CHD2: variants seen among roughly 807,000 people sequenced by gnomAD.
CHD2 encodes ATP-dependent chromatin remodeler CHD2.
CHD2 carries 28 observed loss-of-function variants against 243.9 expected under a neutral mutation model. That is an observed-to-expected ratio of 0.11 (90% CI 0.09 to 0.16). The LOEUF (loss-of-function observed/expected upper bound fraction) is 0.16. CHD2 is among the 10% of genes least tolerant of loss of function. The pLI is 1.00. For synonymous variants in CHD2, 775 were observed against 779.0 expected (o/e 0.99, Z 0.09); for missense variants, 1,386 against 2,209.8 (o/e 0.63, Z 7.47).
intron 23 of CHD2, 61 bp from the exon 24 acceptor site, chr15:92,981,304 G>A (rs2053977311): frequency 2.7e-6 from 3 of 1,128,010 alleles, no homozygotes; most frequent in Admixed American, 3.9e-5. Context: ...TAATTTCTGG[G>A]CAACTAGGCA....
rs1276143249 is a variant in CHD2 at position 92,945,957 on chromosome 15, T to C, written c.1199-81T>C. The C allele has an allele frequency of 4.1e-6, 6 of 1,474,854 alleles. No homozygotes were observed. In the South Asian group the frequency reaches 5.0e-5, roughly 12 times the overall value. The allele number at this position is 1,474,854 out of a possible 1,614,324, so 91.4% of individuals were successfully genotyped here. ...TTTTGTTTTGCCACATGATGTTTTA[T>C]TGATTATGCATAAAACAGAATGTCA... On this transcript the variant is annotated intron_variant, in intron 11 of 38. Coordinates refer to ENST00000394196, the MANE Select transcript of CHD2 (RefSeq NM_001271.4).
At chr15:92,945,682 G>T in intron 10 of CHD2, 139 bp from the exon 11 acceptor site, 1 of 500,858 alleles carries the variant, frequency 2.0e-6, no homozygotes. Context: ...ACAGGCGTGA[G>T]CCACTATAAT....
chr15:92,945,696 A>AT (rs113903945), intron 10 of CHD2, 125 bp from the exon 11 acceptor site: 47,467 of 452,406 alleles, frequency 0.1, 9 homozygotes, highest in East Asian at 0.14. Context: ...CTATAATCCC[A>AT]TTTTTTTTTT....
At chr15:92,921,541 A>G (rs961034196) in intron 2 of CHD2, 3 of 152,116 alleles carry the variant, frequency 2.0e-5, no homozygotes, top group Admixed American at 6.5e-5. Context: ...GAAATTCTGG[A>G]GCTGTCTCTG....
Position 92,900,729 on chromosome 15 carries a change from T to C in CHD2, c.-167T>C, listed in dbSNP as rs1432630212. On this transcript the variant is annotated 5_prime_UTR_variant, in exon 1 of 39. Transcript: ENST00000394196. ...GTTATTTTATTTATTTTTCGTTTTT[T>C]AACGGAGGATTTTGCCTTTATTTTT... 5.0e-6 allele frequency: 2 copies of C among 397,458 alleles called. No individual in the cohort carries two copies. Among genetic ancestry groups the C allele is most frequent in the Non-Finnish European group, 8.9e-6 (2 of 225,846 alleles). The allele number at this position is 397,458 out of a possible 1,614,324, so 24.6% of individuals were successfully genotyped here.
At position 92,940,958 on chromosome 15, in the gene CHD2, T is replaced by TATATAA. The variant is rs201999332; in HGVS notation, c.693-840_693-835dup. On this transcript the variant is annotated intron_variant, in intron 7 of 38. Coordinates refer to ENST00000394196, the MANE Select transcript of CHD2 (RefSeq NM_001271.4). ...TATAAAATATATATAAATATAAATA[T>TATATAA]ATATAAATATAAATATAAATATAAA... Among the ~76,000 whole-genome samples, 136 of 128,726 alleles carry TATATAA rather than the reference T, an allele frequency of 1.1e-3. 1 individual carries two copies. Among genetic ancestry groups the TATATAA allele is most frequent in the Non-Finnish European group, 1.1e-3 (71 of 64,104 alleles). 84.4% of individuals were successfully genotyped at this position (128,726 alleles called of 152,430 possible).
chr15:92,923,753 A>G (rs1567126590), intron 2 of CHD2, among the ~76,000 whole-genome samples: 1 of 151,878 alleles, frequency 6.6e-6, no homozygotes, highest in Non-Finnish European at 1.5e-5. Context: ...TTTAATAGAG[A>G]TGGGGTTTCA....
In CHD2 at chr15:93,014,692, T is replaced by TA; in HGVS notation, c.4693-4_4693-3insA. The TA allele has an allele frequency of 6.2e-7, 1 of 1,613,568 alleles. No individual in the cohort carries two copies. The highest frequency in any genetic ancestry group is 8.5e-7 in the Non-Finnish European group (1 of 1,179,846). The stretch of plus-strand genomic sequence containing the variant: ...AGCTTCTTTGGTTTCCTTTTACTCT[T>TA]TAGGAGCAAAAGAAGAAAGACGACG... On this transcript the variant is annotated splice_region_variant and splice_polypyrimidine_tract_variant and intron_variant, in intron 36 of 38. Coordinates refer to ENST00000394196, the MANE Select transcript of CHD2 (RefSeq NM_001271.4).
chr15:92,912,331 G>A (rs1166697729), intron 2 of CHD2, among the ~76,000 whole-genome samples: 17 of 152,098 alleles, frequency 1.1e-4, no homozygotes, highest in East Asian at 7.7e-4. Context: ...TTTATCTGCC[G>A]TCTCGGGGAA....
chr15:92,949,134 G>A lies in CHD2; in HGVS notation c.1502+58G>A, dbSNP rs1042205113. The A allele has an allele frequency of 9.5e-6, 15 of 1,580,086 alleles. No homozygotes were observed. In the African/African-American group the frequency reaches 1.4e-4, roughly 15 times the overall value. ...ACTGTTTCTGGCTTCTTTATTGTTA[G>A]ATGTCAAGAATTTTTTTTTTCTTTT... On this transcript the variant is annotated intron_variant, in intron 13 of 38. Coordinates refer to ENST00000394196, the MANE Select transcript of CHD2 (RefSeq NM_001271.4).
chr15:92,926,165 A>C (rs2141750139), intron 3 of CHD2, among the ~76,000 whole-genome samples: 1 of 152,254 alleles, frequency 6.6e-6, no homozygotes, highest in South Asian at 2.1e-4. Flanking sequence ...TAGAGACAGG[A>C]TCTCCCTACG....
At chr15:92,975,365 G>A (rs2053893720) in intron 20 of CHD2, among the ~76,000 whole-genome samples, 1 of 152,204 alleles carries the variant, frequency 6.6e-6, no homozygotes, top group African/African-American at 2.4e-5. Context: ...GTGGCTTAAT[G>A]TTCTTGCTCT....
rs1334127880 is a variant in CHD2 at position 92,953,429 on chromosome 15, C to T, written c.1575C>T (p.Tyr525=). 1 of 1,614,132 alleles carries T rather than the reference C, an allele frequency of 6.2e-7. No individual in the cohort carries two copies. Among genetic ancestry groups the T allele is most frequent in the East Asian group, 2.2e-5 (1 of 44,870 alleles). ...KTIQTISFLS[Y]LFHQHQLYGP... is the part of the protein sequence containing the mutation. The stretch of plus-strand genomic sequence containing the variant: ...TCCAGACCATATCATTCCTCTCCTA[C>T]CTGTTCCACCAACACCAGCTGTATG... Residue 525 remains tyrosine, a synonymous_variant, in exon 14 of 39, where the codon TAC becomes TAT. Transcript: ENST00000394196.
chr15:93,010,410 A>T (rs938195051), intron 35 of CHD2, among the ~76,000 whole-genome samples: 8 of 143,044 alleles, frequency 5.6e-5, no homozygotes, highest in African/African-American at 2.1e-4. Flanking sequence ...ATGACTGGAA[A>T]TTTTTTTTTT....
chr15:92,932,842 A>G (rs945387745), intron 5 of CHD2, among the ~76,000 whole-genome samples: 2 of 37,684 alleles, frequency 5.3e-5, no homozygotes, highest in East Asian at 5.0e-3. Flanking sequence ...ACTGTGACTC[A>G]AGTGATTCTC....
At chr15:92,925,151 T>A (rs1188986858) in intron 3 of CHD2, among the ~76,000 whole-genome samples, 1 of 152,136 alleles carries the variant, frequency 6.6e-6, no homozygotes, top group Non-Finnish European at 1.5e-5. Flanking sequence ...GTTAATAATA[T>A]GTAGTTATAG....
intron 17 of CHD2, among the ~76,000 whole-genome samples, chr15:92,970,711 T>C (rs2053830291): frequency 6.6e-6 from 1 of 152,216 alleles, no homozygotes; most frequent in Non-Finnish European, 1.5e-5. Flanking sequence ...GATAGGCCTT[T>C]ATGATGCATA....
At chr15:92,987,139 A>G (rs1191356815) in intron 26 of CHD2, among the ~76,000 whole-genome samples, 2 of 150,608 alleles carry the variant, frequency 1.3e-5, no homozygotes, top group African/African-American at 4.9e-5. Context: ...GTGTTTTTGG[A>G]CTCTTATTAA....
At chr15:93,020,391 C>A in intron 38 of CHD2, 133 bp downstream of exon 38, 1 of 1,108,468 alleles carries the variant, frequency 9.0e-7, no homozygotes, top group Non-Finnish European at 1.3e-6. Context: ...TCAGCCACAG[C>A]GAATCCCATG....
Sources: gnomAD v4.1 joint callset for allele counts (sites outside exome capture counted in the v4.1 genomes callset) on GRCh38, gnomAD v4.1.1 for gene constraint, MANE v1.5 for transcripts, NCBI Gene and HGNC (gene_info 2026-07-23, HGNC 2026-07-21) for gene names.